The following SLC14A2 variants were observed in gnomAD, a reference collection of about 807,000 sequenced individuals.
SLC14A2 encodes the protein urea transporter 2.
SLC14A2 carries 91 observed loss-of-function variants against 104.6 expected under a neutral mutation model. That is an observed-to-expected ratio of 0.87 (90% CI 0.73 to 1.04). The LOEUF (loss-of-function observed/expected upper bound fraction) is 1.04, where lower values mean the gene tolerates loss of function less well. SLC14A2 is among the 50% of genes least tolerant of loss of function. The pLI, the probability that SLC14A2 is intolerant of heterozygous loss-of-function variation, is 0.00. For synonymous variants in SLC14A2, 476 were observed against 466.4 expected, an observed-to-expected ratio of 1.02 and a Z score of -0.27; for missense variants, 1,189 against 1,156.0, an observed-to-expected ratio of 1.03 and a Z score of -0.41.
chr18:45,386,917 G>A (rs1397789952), intron 1 of SLC14A2, among the ~76,000 whole-genome samples: 1 of 152,238 alleles, frequency 6.6e-6, no homozygotes, highest in African/African-American at 2.4e-5. Flanking sequence ...GGCAGTAAAT[G>A]GCAGCTTGTT....
intron 2 of SLC14A2, among the ~76,000 whole-genome samples, chr18:45,504,487 C>T (rs2043251490): frequency 6.6e-6 from 1 of 152,182 alleles, no homozygotes; most frequent in Admixed American, 6.5e-5. Flanking sequence ...ATAACTGTTC[C>T]CATCCAGAAC....
intron 1 of SLC14A2, among the ~76,000 whole-genome samples, chr18:45,412,992 G>A (rs1034916315): frequency 6.6e-6 from 1 of 152,136 alleles, no homozygotes; most frequent in Non-Finnish European, 1.5e-5. Flanking sequence ...AAAGAATCTG[G>A]TTTCTTGAAA....
chr18:45,675,671 TGCCC>T (rs2046212866), intron 18 of SLC14A2, among the ~76,000 whole-genome samples: 2 of 142,682 alleles, frequency 1.4e-5, no homozygotes, highest in Admixed American at 7.1e-5. Context: ...TGCACCACCA[TGCCC>T]AGCTAATTTC....
chr18:45,313,796 C>A (rs2085101910), intron 1 of SLC14A2, among the ~76,000 whole-genome samples: 1 of 152,180 alleles, frequency 6.6e-6, no homozygotes, highest in Non-Finnish European at 1.5e-5. Flanking sequence ...CAACATCTTA[C>A]CTGTTCTTAT....
rs146624763 is a variant in SLC14A2 at position 45,222,467 on chromosome 18, G to A, written c.-125+9276G>A. 5.2e-3 allele frequency among the ~76,000 whole-genome samples: 795 copies of A among 152,294 alleles called. 9 individuals are homozygous for A. Among genetic ancestry groups the A allele is most frequent in the African/African-American group, 0.018 (743 of 41,570 alleles). The stretch of plus-strand genomic sequence containing the variant: ...GACTGACATGTGAGAAGTACAGACA[G>A]TTCTGTTCTAAGGGCTCAGAGGAAG... On this transcript the variant is annotated intron_variant, in intron 1 of 20. Coordinates refer to the SLC14A2 transcript ENST00000586448.
rs575391160 is a variant in SLC14A2, at chr18:45,491,454, T to A, written c.-35+8132T>A. On this transcript the variant is annotated intron_variant, in intron 2 of 20. Transcript: ENST00000586448. Reference sequence around the variant, plus strand: ...CAGAATGCATGCAAGTTCAAGAGAATGCCTTTTTGGAAGAAGGAGTAGAAT... The same window carrying A: ...CAGAATGCATGCAAGTTCAAGAGAAAGCCTTTTTGGAAGAAGGAGTAGAAT... Among the ~76,000 whole-genome samples, 7 of 152,310 alleles carry A rather than the reference T, an allele frequency of 4.6e-5. No homozygotes were observed. In the South Asian group the frequency reaches 1.4e-3, roughly 32 times the overall value.
intron 1 of SLC14A2, among the ~76,000 whole-genome samples, chr18:45,423,179 A>G (rs934262056): frequency 3.6e-4 from 55 of 152,232 alleles, no homozygotes; most frequent in African/African-American, 1.3e-3. Context: ...TTTTCCGCTC[A>G]GGCTCAAGTT....
At chr18:45,502,603 C>G (rs943869417) in intron 2 of SLC14A2, among the ~76,000 whole-genome samples, 5 of 152,200 alleles carry the variant, frequency 3.3e-5, no homozygotes, top group Admixed American at 6.5e-5. Context: ...GAAAAGTACC[C>G]TAATTCATTC....
chr18:45,253,427 T>C (rs1352297590), intron 1 of SLC14A2, among the ~76,000 whole-genome samples: 2 of 152,004 alleles, frequency 1.3e-5, no homozygotes, highest in Non-Finnish European at 2.9e-5. Flanking sequence ...AGATTACTTC[T>C]ACACAATGCT....
chr18:45,213,221 AT>A (rs1234765973), intron 1 of SLC14A2: 1 of 152,168 alleles, frequency 6.6e-6, no homozygotes, highest in African/African-American at 2.4e-5. Context: ...TTATAAGTCC[AT>A]GTCTTCAGGA....
chr18:45,467,387 T>G (rs1348969489), intron 1 of SLC14A2, among the ~76,000 whole-genome samples: 1 of 152,184 alleles, frequency 6.6e-6, no homozygotes, highest in Non-Finnish European at 1.5e-5. Flanking sequence ...TTGTTGAGGT[T>G]TGGCATCAGC....
intron 6 of SLC14A2, among the ~76,000 whole-genome samples, chr18:45,639,444 G>A (rs2045480787): frequency 1.3e-5 from 2 of 152,164 alleles, no homozygotes; most frequent in South Asian, 4.1e-4. Context: ...CGGCATTCTA[G>A]GGAGGAGGTG....
intron 1 of SLC14A2, among the ~76,000 whole-genome samples, chr18:45,318,827 A>G (rs1176101063): frequency 1.3e-5 from 2 of 151,432 alleles, no homozygotes; most frequent in African/African-American, 2.4e-5. Flanking sequence ...CCAGGCTGGG[A>G]CATCACTCAG....
intron 1 of SLC14A2, among the ~76,000 whole-genome samples, chr18:45,425,619 T>C (rs1419797172): frequency 6.6e-6 from 1 of 152,184 alleles, no homozygotes; most frequent in Admixed American, 6.5e-5. Context: ...AACTAGCTTG[T>C]GCTGAGATTC....
At chr18:45,222,498 C>G (rs750529525) in intron 1 of SLC14A2, among the ~76,000 whole-genome samples, 7 of 152,152 alleles carry the variant, frequency 4.6e-5, no homozygotes, top group Non-Finnish European at 1.0e-4. Flanking sequence ...GGAAGGAGAA[C>G]AGTGGTGAGA....
chr18:45,418,790 G>A (rs1432515205), intron 1 of SLC14A2, among the ~76,000 whole-genome samples: 1 of 152,184 alleles, frequency 6.6e-6, no homozygotes, highest in Non-Finnish European at 1.5e-5. Flanking sequence ...ATCTGAGGAG[G>A]TGGATTTACC....
chr18:45,644,274 C>A, intron 10 of SLC14A2, 114 bp downstream of exon 10: 1 of 1,034,554 alleles, frequency 9.7e-7, no homozygotes, highest in Non-Finnish European at 1.4e-6. Flanking sequence ...CCTCTCCTTG[C>A]ACCTGTGTAG....
At chr18:45,550,968 A>G (rs2044047877) in intron 2 of SLC14A2, among the ~76,000 whole-genome samples, 1 of 152,224 alleles carries the variant, frequency 6.6e-6, no homozygotes, top group Non-Finnish European at 1.5e-5. Context: ...GAGGGCTAGA[A>G]TAATCAGGAA....
intron 10 of SLC14A2, among the ~76,000 whole-genome samples, chr18:45,648,730 T>A (rs1241702425): frequency 8.0e-6 from 1 of 125,114 alleles, no homozygotes; most frequent in East Asian, 2.1e-4. Context: ...TTTTCACATC[T>A]TATGTAATAA....
Sources: allele counts gnomAD v4.1 joint callset (sites outside exome capture counted in the v4.1 genomes callset), GRCh38; gene constraint gnomAD v4.1.1; transcripts MANE v1.5; gene names NCBI Gene and HGNC (gene_info 2026-07-23, HGNC 2026-07-21).